The following MVK variants were observed in gnomAD, a reference collection of about 807,000 sequenced individuals.
MVK encodes the protein LH receptor mRNA-binding protein.
In MVK, 34 loss-of-function variants were observed where a neutral mutation model predicts 43.2. The ratio of observed to expected loss-of-function variants is 0.79; its 90% CI spans 0.60 to 1.05. MVK has a LOEUF of 1.05. MVK is among the 50% of genes least tolerant of loss of function. The pLI is 0.00. For missense variants in MVK, 395 were observed against 504.0 expected, an observed-to-expected ratio of 0.78 and a Z score of 2.07; for synonymous variants, 190 against 219.8, an observed-to-expected ratio of 0.86 and a Z score of 1.20.
In MVK at chr12:109,597,823, C is replaced by G. The variant is rs1195256559; in HGVS notation, c.*1246C>G. On this transcript the variant is annotated 3_prime_UTR_variant, in exon 11 of 11. Coordinates refer to ENST00000228510, the MANE Select transcript of MVK (RefSeq NM_000431.4). Reference sequence around the variant, plus strand: ...CCGAGTGGAAAGGTGGGGGCCGGCGCAGGGATTTCAGGATGAGGTGAAAGC... The same window carrying G: ...CCGAGTGGAAAGGTGGGGGCCGGCGGAGGGATTTCAGGATGAGGTGAAAGC... 6.6e-6 allele frequency: 1 copy of G among 152,238 alleles called. No individual in the cohort carries two copies. Among genetic ancestry groups the G allele is most frequent in the Non-Finnish European group, 1.5e-5 (1 of 68,074 alleles). 9.4% of individuals were successfully genotyped at this position (152,238 alleles called of 1,614,324 possible).
intron 9 of MVK, among the ~76,000 whole-genome samples, chr12:109,594,103 G>C (rs1885809415): frequency 6.6e-6 from 1 of 151,960 alleles, no homozygotes; most frequent in Admixed American, 6.6e-5. Flanking sequence ...CGACCAAAAA[G>C]GGGCAGAGCA....
intron 3 of MVK, chr12:109,579,141 T>C: frequency 2.8e-6 from 1 of 357,558 alleles, no homozygotes; most frequent in Non-Finnish European, 5.5e-6. Flanking sequence ...ACTACAATTT[T>C]TTTTTTTTTT....
At chr12:109,573,352 C>G, upstream of MVK, 1 of 1,613,306 alleles carries the variant, frequency 6.2e-7, no homozygotes, top group Non-Finnish European at 8.5e-7. Flanking sequence ...CTCACCTGTC[C>G]CCGTCTTCCA....
At chr12:109,586,866 G>T in intron 7 of MVK, 67 bp downstream of exon 7, 1 of 1,591,650 alleles carries the variant, frequency 6.3e-7, no homozygotes, top group Middle Eastern at 1.9e-4. Flanking sequence ...GCAGAGCTCT[G>T]CACCTTTGGG....
chr12:109,576,750 A>T (rs1187852211), intron 3 of MVK, among the ~76,000 whole-genome samples: 1 of 152,050 alleles, frequency 6.6e-6, no homozygotes, highest in African/African-American at 2.4e-5. Flanking sequence ...ACACACCTGT[A>T]ATCTCAGCTA....
chr12:109,573,409 G>A (rs1205994973), upstream of MVK: 5 of 1,610,836 alleles, frequency 3.1e-6, no homozygotes, highest in African/African-American at 2.7e-5. Flanking sequence ...GGAGCCTGGC[G>A]GCGCCGAAGC....
At chr12:109,594,889 G>A (rs1164653559) in intron 9 of MVK, 139 bp from the exon 10 acceptor site, 2 of 965,930 alleles carry the variant, frequency 2.1e-6, no homozygotes, top group East Asian at 2.5e-5. Context: ...CAAGTGGAGA[G>A]GGCCAGGGTG....
upstream of MVK, chr12:109,573,556 C>G: frequency 6.7e-7 from 1 of 1,502,646 alleles, no homozygotes; most frequent in Non-Finnish European, 9.0e-7. Context: ...CCACAGCTGG[C>G]CGCGCCACCG....
intron 9 of MVK, among the ~76,000 whole-genome samples, chr12:109,594,238 T>A (rs948852161): frequency 1.3e-5 from 2 of 152,228 alleles, no homozygotes; most frequent in Non-Finnish European, 2.9e-5. Context: ...AAATGAAATC[T>A]AACTACTGGG....
upstream of MVK, chr12:109,573,552 C>G: frequency 1.3e-6 from 2 of 1,521,770 alleles, no homozygotes; most frequent in Non-Finnish European, 1.8e-6. Context: ...CCACCCACAG[C>G]TGGCCGCGCC....
upstream of MVK, chr12:109,573,284 C>T (rs1331855157): frequency 4.4e-6 from 7 of 1,605,308 alleles, no homozygotes; most frequent in Non-Finnish European, 6.0e-6. Flanking sequence ...TGTGACGTAC[C>T]CATGGCGACG....
upstream of MVK, chr12:109,573,498 G>A (rs369927328): frequency 2.3e-5 from 36 of 1,591,646 alleles, no homozygotes; most frequent in Non-Finnish European, 2.8e-5. Context: ...GCTGCTTGAC[G>A]GGACCTGACC....
chr12:109,582,100 A>G (rs572658019), intron 5 of MVK, among the ~76,000 whole-genome samples: 40 of 152,180 alleles, frequency 2.6e-4, no homozygotes, highest in African/African-American at 8.2e-4. Flanking sequence ...CTGCGTTCCT[A>G]TTGACCACGT....
In MVK at chr12:109,597,706, G is replaced by A. The variant is rs982165886; in HGVS notation, c.*1129G>A. On this transcript the variant is annotated 3_prime_UTR_variant, in exon 11 of 11. Coordinates refer to ENST00000228510, the MANE Select transcript of MVK (RefSeq NM_000431.4). The stretch of plus-strand genomic sequence containing the variant: ...TGAACTTTATATTGCAGTCAGCTTG[G>A]TGCTTTCCGAAATGCCATTAGCCAT... 6.6e-6 allele frequency: 1 copy of A among 152,162 alleles called. No individual in the cohort carries two copies. Among genetic ancestry groups the A allele is most frequent in the African/African-American group, 2.4e-5 (1 of 41,426 alleles). The allele number at this position is 152,162 out of a possible 1,614,324, so 9.4% of individuals were successfully genotyped here.
At chr12:109,586,687 T>C in intron 6 of MVK, 67 bp from the exon 7 acceptor site, 2 of 1,581,358 alleles carry the variant, frequency 1.3e-6, no homozygotes, top group Non-Finnish European at 1.7e-6. Context: ...AAGTTCAACC[T>C]CTCTCCCAAG....
At chr12:109,573,414 C>A, upstream of MVK, 1 of 1,610,236 alleles carries the variant, frequency 6.2e-7, no homozygotes, top group Non-Finnish European at 8.5e-7. Flanking sequence ...CTGGCGGCGC[C>A]GAAGCACCCG....
chr12:109,578,579 T>C (rs1161253072), intron 3 of MVK, among the ~76,000 whole-genome samples: 4 of 152,226 alleles, frequency 2.6e-5, no homozygotes, highest in African/African-American at 9.6e-5. Flanking sequence ...TTGGTGACAC[T>C]GAAAGGATTC....
At chr12:109,587,180 G>T (rs72648010) in intron 7 of MVK, 14,478 of 301,040 alleles carry the variant, frequency 0.048, 528 homozygotes, top group Non-Finnish European at 0.06. Flanking sequence ...AGTTTCCAAG[G>T]ACTCTCAGTC....
At chr12:109,589,973 C>A (rs1253591480) in intron 7 of MVK, 1 of 154,178 alleles carries the variant, frequency 6.5e-6, no homozygotes, top group Non-Finnish European at 1.4e-5. Context: ...CTCAACGTGG[C>A]TGCCTGGGAC....
Sources: allele counts gnomAD v4.1 joint callset (sites outside exome capture counted in the v4.1 genomes callset), GRCh38; gene constraint gnomAD v4.1.1; transcripts MANE v1.5; gene names NCBI Gene and HGNC (gene_info 2026-07-23, HGNC 2026-07-21).